The following UGT2A3 variants were observed in gnomAD, a reference collection of about 807,000 sequenced individuals.
UGT2A3 encodes the protein UDP-glucuronosyltransferase 2A3.
UGT2A3 carries 55 observed loss-of-function variants against 44.1 expected under a neutral mutation model. That is an observed-to-expected ratio of 1.25 (90% CI 1.00 to 1.56). UGT2A3 has a LOEUF of 1.56. Ranked by LOEUF, UGT2A3 falls within the 40% of genes most tolerant of loss-of-function variation. The pLI, the probability that UGT2A3 is intolerant of heterozygous loss-of-function variation, is 0.00. For synonymous variants in UGT2A3, 243 were observed against 215.1 expected, an observed-to-expected ratio of 1.13 and a Z score of -1.13; for missense variants, 733 against 621.6, an observed-to-expected ratio of 1.18 and a Z score of -1.91.
At chr4:68,942,317 A>ATCTCTC in intron 2 of UGT2A3, among the ~76,000 whole-genome samples, 1 of 136,004 alleles carries the variant, frequency 7.4e-6, no homozygotes, top group Non-Finnish European at 1.5e-5. Context: ...ACATTTGAAA[A>ATCTCTC]TATCTCTCTC....
chr4:68,936,872 C>A (rs1287979681), intron 2 of UGT2A3, among the ~76,000 whole-genome samples: 1 of 67,570 alleles, frequency 1.5e-5, no homozygotes, highest in African/African-American at 5.4e-5. Context: ...GGAAGATCTA[C>A]AAAGTAAATG....
chr4:68,951,260 C>G lies in UGT2A3; in HGVS notation c.501G>C (p.Val167=). 6.2e-7 allele frequency: 1 copy of G among 1,611,552 alleles called. No individual in the cohort carries two copies. Among genetic ancestry groups the G allele is most frequent in the Non-Finnish European group, 8.5e-7 (1 of 1,178,896 alleles). ...LMAELLAVPF[V]LTLRISVGGN... ...CTCCTACAGAAATTCTAAGTGTGAG[C>G]ACAAAAGGGACTGCAAGCAACTCAG... The change falls in exon 1 of 6, where the codon GTG becomes GTC. Residue 167 remains valine (V), a synonymous_variant. Transcript: ENST00000251566.
chr4:68,938,489 A>G lies in UGT2A3; in HGVS notation c.865-5730T>C, dbSNP rs145399543. 2.7e-4 allele frequency among the ~76,000 whole-genome samples: 41 copies of G among 152,142 alleles called. 1 individual carries two copies. Among genetic ancestry groups the G allele is most frequent in the Middle Eastern group, 6.8e-3 (2 of 294 alleles). ...ATCAATAGATGCAGAAAACACCTTCAACAAAATTCAACACCCTTCATGCTA... is the reference window on the plus strand; with the variant it reads ...ATCAATAGATGCAGAAAACACCTTCGACAAAATTCAACACCCTTCATGCTA... On this transcript the variant is annotated intron_variant, in intron 2 of 5. Coordinates refer to ENST00000251566, the MANE Select transcript of UGT2A3 (RefSeq NM_024743.4).
chr4:68,948,855 G>T (rs1189738596), intron 1 of UGT2A3, among the ~76,000 whole-genome samples: 2 of 151,790 alleles, frequency 1.3e-5, no homozygotes, highest in African/African-American at 4.8e-5. Context: ...AAAAGAAAAA[G>T]GTTTTTATTT....
Position 68,951,106 on chromosome 4 carries a change from G to C in UGT2A3, c.655C>G (p.His219Asp), listed in dbSNP as rs1245318963. 7 of 1,610,514 alleles carry C rather than the reference G, an allele frequency of 4.3e-6. No homozygotes were observed. The highest frequency in any genetic ancestry group is 2.7e-5 in the African/African-American group (2 of 74,678). ...TAGTCGTAATCCTGAATCCAGAAGT[G>C]GAACAAAACTGAAAGCATTGAATTT... The part of the protein sequence containing the change: ...VKNSMLSVLF[H>D]FWIQDYDYHF... Residue 219 changes from histidine (H) to aspartate (D), a missense_variant, in exon 1 of 6, where the codon CAC (histidine) becomes GAC (aspartate). Transcript: ENST00000251566.
chr4:68,951,513 C>G lies in UGT2A3; in HGVS notation c.248G>C (p.Arg83Thr), dbSNP rs577150278. ...AACAAATATTTCATTTTCTTCTGTT[C>G]TGTCCTGTGGCATATGGACCACCTC... ...KFEVVHMPQDRTEENEIFVDL... is the reference protein window; with the variant it reads ...KFEVVHMPQDTTEENEIFVDL... Residue 83 changes from arginine to threonine, a missense_variant, in exon 1 of 6, where the codon AGA (arginine) becomes ACA (threonine). Transcript: ENST00000251566. The G allele has an allele frequency of 1.2e-6, 2 of 1,612,860 alleles. No individual in the cohort carries two copies. Among genetic ancestry groups the G allele is most frequent in the South Asian group, 1.1e-5 (1 of 91,044 alleles).
At chr4:68,950,613 A>C (rs1401412588) in intron 1 of UGT2A3, among the ~76,000 whole-genome samples, 1 of 151,912 alleles carries the variant, frequency 6.6e-6, no homozygotes, top group African/African-American at 2.4e-5. Flanking sequence ...TCACCTAAGA[A>C]ATTAAAGAAT....
intron 2 of UGT2A3, among the ~76,000 whole-genome samples, chr4:68,934,088 C>A: frequency 6.6e-6 from 1 of 151,540 alleles, no homozygotes; most frequent in Non-Finnish European, 1.5e-5. Context: ...TAAAATAAAC[C>A]AATAAAATTT....
intron 2 of UGT2A3, among the ~76,000 whole-genome samples, chr4:68,944,288 A>G (rs1718301079): frequency 6.6e-6 from 1 of 151,760 alleles, no homozygotes; most frequent in African/African-American, 2.4e-5. Flanking sequence ...CAATCTTGGT[A>G]TAGATTGCAC....
At chr4:68,931,651 T>C (rs1717740561) in intron 3 of UGT2A3, among the ~76,000 whole-genome samples, 2 of 152,008 alleles carry the variant, frequency 1.3e-5, no homozygotes, top group African/African-American at 4.8e-5. Flanking sequence ...CAGATAAAAA[T>C]TTGCTTTCAA....
At chr4:68,938,063 A>T (rs1417243801) in intron 2 of UGT2A3, among the ~76,000 whole-genome samples, 1 of 149,440 alleles carries the variant, frequency 6.7e-6, no homozygotes, top group Non-Finnish European at 1.5e-5. Context: ...TTGAGGCAAT[A>T]ATATCCTACA....
intron 2 of UGT2A3, among the ~76,000 whole-genome samples, chr4:68,934,524 A>G (rs1270374300): frequency 6.6e-6 from 1 of 151,876 alleles, no homozygotes; most frequent in African/African-American, 2.4e-5. Context: ...GTAACTGAAA[A>G]CATAACAAAA....
intron 2 of UGT2A3, among the ~76,000 whole-genome samples, chr4:68,936,659 A>G (rs11249512): frequency 0.73 from 110,726 of 151,682 alleles, 42,028 homozygotes; most frequent in Non-Finnish European, 0.86. Flanking sequence ...TCAATTAATG[A>G]GCAAAATAAT....
At chr4:68,934,126 G>A (rs1220485275) in intron 2 of UGT2A3, among the ~76,000 whole-genome samples, 1 of 151,824 alleles carries the variant, frequency 6.6e-6, no homozygotes, top group East Asian at 1.9e-4. Context: ...TTTTGAAAAT[G>A]CTTAAATATC....
chr4:68,944,943 T>C (rs1470789274), intron 2 of UGT2A3, among the ~76,000 whole-genome samples: 1 of 151,776 alleles, frequency 6.6e-6, no homozygotes, highest in East Asian at 1.9e-4. Context: ...TATGCTTATT[T>C]CTGTACTATC....
At chr4:68,941,904 C>T (rs1385618582) in intron 2 of UGT2A3, among the ~76,000 whole-genome samples, 1 of 151,844 alleles carries the variant, frequency 6.6e-6, no homozygotes, top group Non-Finnish European at 1.5e-5. Context: ...CACTAATCAT[C>T]AGGGAAATGC....
intron 1 of UGT2A3, among the ~76,000 whole-genome samples, chr4:68,949,160 C>A (rs1718490357): frequency 6.6e-6 from 1 of 151,790 alleles, no homozygotes; most frequent in South Asian, 2.1e-4. Context: ...AGCCCCACCT[C>A]CAATATTGGT....
chr4:68,940,658 C>T lies in UGT2A3; in HGVS notation c.864+4648G>A, dbSNP rs544646480. On this transcript the variant is annotated intron_variant, in intron 2 of 5. Transcript: ENST00000251566. ...CATGTATACCTATGTAACTGACCTG[C>T]ACATCCTGCACATGTACCCTTGAAC... 1.5e-4 allele frequency among the ~76,000 whole-genome samples: 22 copies of T among 150,968 alleles called. No homozygotes were observed. The South Asian group carries it at 4.6e-3, about 32-fold the overall frequency.
chr4:68,931,290 G>T (rs775700026), intron 3 of UGT2A3, 48 bp from the exon 4 acceptor site: 3 of 1,409,274 alleles, frequency 2.1e-6, no homozygotes, highest in Non-Finnish European at 3.0e-6. Context: ...CAGGATATTA[G>T]CATTCTAAGG....
Sources: gnomAD v4.1 joint callset for allele counts (sites outside exome capture counted in the v4.1 genomes callset) on GRCh38, gnomAD v4.1.1 for gene constraint, MANE v1.5 for transcripts, NCBI Gene and HGNC (gene_info 2026-07-23, HGNC 2026-07-21) for gene names.